MGAM: variants seen among roughly 807,000 people sequenced by gnomAD.
MGAM encodes maltase-glucoamylase, also known as alpha-1,4-glucosidase.
A neutral mutation model predicts 358.8 loss-of-function variants in MGAM; 253 were observed. That is an observed-to-expected ratio of 0.71 (90% CI 0.64 to 0.78). The LOEUF is 0.78. MGAM is among the 30% of genes least tolerant of loss of function. The pLI is 0.00. For synonymous variants in MGAM, 1,105 were observed against 1,227.1 expected, an observed-to-expected ratio of 0.90 and a Z score of 2.08; for missense variants, 3,080 against 3,432.6, an observed-to-expected ratio of 0.90 and a Z score of 2.57.
intron 70 of MGAM, 111 bp from the exon 71 acceptor site, chr7:142,105,703 C>A (rs946098107): frequency 2.6e-6 from 2 of 766,176 alleles, no homozygotes; most frequent in Admixed American, 2.2e-5. Context: ...CTAGACAATA[C>A]AATGTAGAAG....
In MGAM at chr7:142,066,693, G is replaced by T; in HGVS notation, c.4891G>T (p.Val1631Phe). The T allele has an allele frequency of 6.4e-7, 1 of 1,555,908 alleles. No individual in the cohort carries two copies. The highest frequency in any genetic ancestry group is 8.8e-7 in the Non-Finnish European group (1 of 1,132,574). The change falls in exon 41 of 71, where the codon GTC becomes TTC. Residue 1631 changes from valine to phenylalanine, a missense_variant. Around this residue, in one of 5 missense-constraint regions of MGAM, gnomAD observed 134 missense variants for 198.4 expected, o/e 0.68. Transcript: ENST00000475668. Reference protein sequence around the residue: ...TLMQKAHTEGVTVVRPLLHEF... With the variant: ...TLMQKAHTEGFTVVRPLLHEF... ...GATGCAAAAGGCCCACACGGAGGGC[G>T]TCACTGTTGTGCGGCCTCTGCTCCA...
At chr7:142,103,214 GA>G in intron 69 of MGAM, 54 bp from the exon 70 acceptor site, 1 of 1,420,708 alleles carries the variant, frequency 7.0e-7, no homozygotes, top group East Asian at 2.4e-5. Flanking sequence ...AAAGAGGTTA[GA>G]AAAATTTGAA....
intron 10 of MGAM, among the ~76,000 whole-genome samples, chr7:142,029,053 A>G (rs1807219509): frequency 1.3e-5 from 2 of 152,100 alleles, no homozygotes; most frequent in South Asian, 2.1e-4. Context: ...ACTCCATTTT[A>G]CTATTAGAAT....
rs187047261 is a variant in MGAM, at chr7:142,054,778, T to C, written c.3184T>C (p.Tyr1062His). ...GATTTATGATCCCAACAAGAATCGG[T>C]ATGAAGTTCCAGTCCCTCTGAACAT... ...FKIYDPNKNR[Y>H]EVPVPLNIPS... The change falls in exon 27 of 71, where the codon TAT (tyrosine) becomes CAT (histidine). Residue 1062 changes from tyrosine (Y) to histidine (H), a missense_variant. By Grantham distance (83) the Tyr-to-His change is moderately conservative. Coordinates refer to ENST00000475668, the MANE Select transcript of MGAM (RefSeq NM_001365693.1). 3.8e-4 allele frequency: 612 copies of C among 1,613,894 alleles called. 1 individual carries two copies. In the African/African-American group the frequency reaches 5.4e-3, roughly 14 times the overall value.
At chr7:142,075,442 T>C (rs937478043) in intron 45 of MGAM, among the ~76,000 whole-genome samples, 1 of 146,358 alleles carries the variant, frequency 6.8e-6, no homozygotes, top group African/African-American at 2.4e-5. Context: ...CAGGCGTGAC[T>C]ACATCAAACT....
At chr7:142,095,851 C>G (rs539440772) in intron 64 of MGAM, 138 bp downstream of exon 64, 4 of 1,330,486 alleles carry the variant, frequency 3.0e-6, no homozygotes, top group East Asian at 2.3e-5. Flanking sequence ...CTTTATTACT[C>G]TCTTTAGCAC....
intron 57 of MGAM, among the ~76,000 whole-genome samples, chr7:142,091,425 A>G (rs896124873): frequency 6.8e-6 from 1 of 146,130 alleles, no homozygotes; most frequent in African/African-American, 2.4e-5. Flanking sequence ...AAATTGTAGA[A>G]AACACTGAGG....
At position 142,089,471 on chromosome 7, in the gene MGAM, GT is replaced by G. The variant is rs1427385866; in HGVS notation, c.6811-2440del. The stretch of plus-strand genomic sequence containing the variant: ...GTAGATAGGATAATTATAACTATTG[GT>G]TGGTACAAAGGTAATTGTAGTTTTT... On this transcript the variant is annotated intron_variant, in intron 57 of 70. Coordinates refer to ENST00000475668, the MANE Select transcript of MGAM (RefSeq NM_001365693.1). 1.1e-4 allele frequency among the ~76,000 whole-genome samples: 16 copies of G among 146,482 alleles called. 1 individual carries two copies. The highest frequency in any genetic ancestry group is 3.6e-4 in the African/African-American group (15 of 41,128).
At chr7:141,991,436 A>ATT (rs782706798), upstream of MGAM, among the ~76,000 whole-genome samples, 7 of 140,504 alleles carry the variant, frequency 5.0e-5, no homozygotes, top group African/African-American at 1.6e-4. Context: ...GGAGAAAAGG[A>ATT]TTTTTTTTTT....
chr7:142,060,560 G>T (rs1471735460), intron 34 of MGAM, among the ~76,000 whole-genome samples, 187 bp downstream of exon 34: 17 of 152,236 alleles, frequency 1.1e-4, no homozygotes, highest in Non-Finnish European at 2.1e-4. Flanking sequence ...CTGGCCACTG[G>T]GATGTAGATA....
chr7:142,030,435 G>A lies in MGAM; in HGVS notation c.1295G>A (p.Gly432Asp). 1.2e-6 allele frequency: 2 copies of A among 1,613,550 alleles called. No homozygotes were observed. Among genetic ancestry groups the A allele is most frequent in the Non-Finnish European group, 1.7e-6 (2 of 1,179,704 alleles). ...ACTTATGATTCAGTGGATTTTAAAGGCTTCCCTGAATTTGTCAACGAGTTA... is the reference window on the plus strand; with the variant it reads ...ACTTATGATTCAGTGGATTTTAAAGACTTCCCTGAATTTGTCAACGAGTTA... Reference protein sequence around the residue: ...DFTYDSVDFKGFPEFVNELHN... With the variant: ...DFTYDSVDFKDFPEFVNELHN... The change falls in exon 11 of 71, where the codon GGC (glycine) becomes GAC (aspartate). Residue 432 changes from glycine to aspartate, a missense_variant. Gly to Asp is a moderately conservative substitution (Grantham distance 94, BLOSUM62 -1). Transcript: ENST00000475668.
intron 30 of MGAM, among the ~76,000 whole-genome samples, chr7:142,057,617 T>C (rs564777358): frequency 6.8e-6 from 1 of 147,884 alleles, no homozygotes; most frequent in South Asian, 2.3e-4. Flanking sequence ...GGGGGCACGA[T>C]CGTGGTACTG....
rs1425945864 is a variant in MGAM at position 142,045,125 on chromosome 7, TATA to T, written c.2499-2656_2499-2654del. On this transcript the variant is annotated intron_variant, in intron 21 of 70. Transcript: ENST00000475668. ...TTATATATACGTGCAATATATGATATATAATATGTATATTATATATCATATATG... is the reference window on the plus strand; with the variant it reads ...TTATATATACGTGCAATATATGATATATATGTATATTATATATCATATATG... 4.2e-4 allele frequency among the ~76,000 whole-genome samples: 39 copies of T among 92,794 alleles called. 2 individuals are homozygous for T. The highest frequency in any genetic ancestry group is 1.3e-3 in the African/African-American group (35 of 26,760). The allele number at this position is 92,794 out of a possible 152,430, so 60.9% of individuals were successfully genotyped here. A position where few individuals can be genotyped will look rare whatever the true frequency, so the allele number is the denominator to read the frequency against.
Position 142,007,418 on chromosome 7 carries a change from G to A in MGAM, c.128-1088G>A, listed in dbSNP as rs554099847. ...ACCAGGCAATCAAGTGTTAACCTGT[G>A]GCTTCTCTGCCCCTCCTACCCCATC... On this transcript the variant is annotated intron_variant, in intron 2 of 70. Transcript: ENST00000475668. Among the ~76,000 whole-genome samples, 14 of 151,994 alleles carry A rather than the reference G, an allele frequency of 9.2e-5. No homozygotes were observed. In the East Asian group the frequency reaches 2.7e-3, roughly 29 times the overall value.
chr7:142,059,884 A>G lies in MGAM; in HGVS notation c.3977A>G (p.Gln1326Arg), dbSNP rs374679841. ...CCAGCCATTTCTGGCAATGAGACAC[A>G]GCCTTATCCTGCCTTCACTCGGGGC... ...LDPAISGNET[Q>R]PYPAFTRGVE... The change falls in exon 33 of 71, where the codon CAG becomes CGG. Residue 1326 changes from glutamine (Q) to arginine (R), a missense_variant. By Grantham distance (43) the Gln-to-Arg change is conservative. Transcript: ENST00000475668. 135 of 1,610,990 alleles carry G rather than the reference A, an allele frequency of 8.4e-5. No individual in the cohort carries two copies. Among genetic ancestry groups the G allele is most frequent in the Non-Finnish European group, 9.9e-5 (117 of 1,178,692 alleles).
chr7:142,095,850 T>C (rs1815857197), intron 64 of MGAM, 137 bp downstream of exon 64: 1 of 1,348,832 alleles, frequency 7.4e-7, no homozygotes, highest in African/African-American at 1.5e-5. Context: ...ACTTTATTAC[T>C]CTCTTTAGCA....
Position 142,096,225 on chromosome 7 carries a change from A to G in MGAM, c.7608-106A>G, listed in dbSNP as rs978401060. ...CCTAGGAAAAAGGCAAGGATGGCTC[A>G]GGGGCAGCTGTATTTCCGACTTGGA... On this transcript the variant is annotated intron_variant, in intron 64 of 70. Coordinates refer to ENST00000475668, the MANE Select transcript of MGAM (RefSeq NM_001365693.1). The G allele has an allele frequency of 1.4e-5, 16 of 1,127,908 alleles. No individual in the cohort carries two copies. In the Admixed American group the frequency reaches 2.7e-4, roughly 19 times the overall value. 69.9% of individuals were successfully genotyped at this position (1,127,908 alleles called of 1,614,324 possible). A position where few individuals can be genotyped will look rare whatever the true frequency, so the allele number is the denominator to read the frequency against.
Position 142,055,603 on chromosome 7 carries a change from C to G in MGAM, c.3360C>G (p.Ile1120Met). ...GCTTTACCTTCAGTGACATGTTTAT[C>G]CGCATCTCCACCCGCCTTCCCTCCA... is the stretch of plus-strand genomic sequence containing the variant. ...LLGFTFSDMFIRISTRLPSKY... is the reference protein window; with the variant it reads ...LLGFTFSDMFMRISTRLPSKY... The change falls in exon 28 of 71, where the codon ATC (isoleucine) becomes ATG (methionine). Residue 1120 changes from isoleucine to methionine, a missense_variant. By Grantham distance (10) the Ile-to-Met change is conservative. Around this residue, in one of 5 missense-constraint regions of MGAM, gnomAD observed 1,816 missense variants for 1,840.5 expected, o/e 0.99. Coordinates refer to ENST00000475668, the MANE Select transcript of MGAM (RefSeq NM_001365693.1). The G allele has an allele frequency of 6.2e-7, 1 of 1,613,928 alleles. No homozygotes were observed. Among genetic ancestry groups the G allele is most frequent in the Non-Finnish European group, 8.5e-7 (1 of 1,179,870 alleles).
intron 30 of MGAM, 130 bp from the exon 31 acceptor site, chr7:142,058,073 C>A: frequency 7.1e-7 from 1 of 1,415,456 alleles, no homozygotes; most frequent in Non-Finnish European, 9.6e-7. Context: ...TATATCCTGT[C>A]AGTTTTGGTC....
Sources: allele counts gnomAD v4.1 joint callset (sites outside exome capture counted in the v4.1 genomes callset), GRCh38; gene constraint gnomAD v4.1.1; regional missense constraint gnomAD v4.1.1; transcripts MANE v1.5; gene names NCBI Gene and HGNC (gene_info 2026-07-23, HGNC 2026-07-21).